Variants in SRA1 observed in about 807,000 individuals in gnomAD.
The protein encoded by SRA1 is steroid receptor RNA activator 1.
SRA1 carries 25 observed loss-of-function variants against 24.3 expected under a neutral mutation model. The observed-to-expected ratio is 1.03, with a 90% confidence interval of 0.75 to 1.43. The LOEUF (loss-of-function observed/expected upper bound fraction) is 1.43, where lower values mean the gene tolerates loss of function less well. Among genes scored for constraint, SRA1 ranks in the 40% most tolerant of loss-of-function variants. The pLI is 0.00. For missense variants in SRA1, 303 were observed against 286.6 expected, an observed-to-expected ratio of 1.06 and a Z score of -0.41; for synonymous variants, 104 against 109.5, an observed-to-expected ratio of 0.95 and a Z score of 0.31.
rs1047591727 is a variant in SRA1, at chr5:140,550,288, A to G, written c.*412T>C. On this transcript the variant is annotated 3_prime_UTR_variant, in exon 5 of 5. Coordinates refer to ENST00000336283, the MANE Select transcript of SRA1 (RefSeq NM_001035235.4). ...GAGTCTGTTCTCATGCTGAAATGAA[A>G]CCATCCAAACACAGCTGCTCCGCCC... The G allele has an allele frequency of 4.3e-6, 1 of 230,216 alleles. No homozygotes were observed. The highest frequency in any genetic ancestry group is 2.3e-5 in the African/African-American group (1 of 44,046). The allele number at this position is 230,216 out of a possible 1,614,324, so 14.3% of individuals were successfully genotyped here. A position where few individuals can be genotyped will look rare whatever the true frequency, so the allele number is the denominator to read the frequency against.
rs1156655766 is a variant in SRA1, at chr5:140,552,210, A to C, written c.152-26T>G. 3 of 1,515,578 alleles carry C rather than the reference A, an allele frequency of 2.0e-6. No homozygotes were observed. In the South Asian group the frequency reaches 3.7e-5, roughly 19 times the overall value. The allele number at this position is 1,515,578 out of a possible 1,614,324, so 93.9% of individuals were successfully genotyped here. A position where few individuals can be genotyped will look rare whatever the true frequency, so the allele number is the denominator to read the frequency against. On this transcript the variant is annotated intron_variant, in intron 2 of 4. Coordinates refer to ENST00000336283, the MANE Select transcript of SRA1 (RefSeq NM_001035235.4). Reference sequence around the variant, plus strand: ...CTGAAAAGGTACAGCAGGATCAAGCAACATGGCTTAAATGGGTAAGAAGCT... The same window carrying C: ...CTGAAAAGGTACAGCAGGATCAAGCCACATGGCTTAAATGGGTAAGAAGCT...
chr5:140,557,064 A>C, intron 2 of SRA1, 83 bp downstream of exon 2: 18 of 1,331,284 alleles, frequency 1.4e-5, no homozygotes, highest in East Asian at 4.8e-5. Flanking sequence ...CGGGGAGAGA[A>C]AAAAGCCTTC....
At chr5:140,557,484 G>C (rs890835036), upstream of SRA1, 6 of 1,547,300 alleles carry the variant, frequency 3.9e-6, no homozygotes, top group African/African-American at 6.8e-5. Context: ...GGGGCAGCGC[G>C]TCATTTCCGG....
intron 2 of SRA1, among the ~76,000 whole-genome samples, 199 bp downstream of exon 2, chr5:140,556,948 A>T (rs1210077478): frequency 6.6e-6 from 1 of 152,184 alleles, no homozygotes; most frequent in Non-Finnish European, 1.5e-5. Flanking sequence ...AGTCTTTTTA[A>T]ATCAATACAC....
chr5:140,550,517 T>C lies in SRA1; in HGVS notation c.*183A>G. On this transcript the variant is annotated 3_prime_UTR_variant, in exon 5 of 5. Coordinates refer to ENST00000336283, the MANE Select transcript of SRA1 (RefSeq NM_001035235.4). The stretch of plus-strand genomic sequence containing the variant: ...TCCTACCCAAGGCCCACCGCAGAGA[T>C]GTTTTTATTGAAATGCATGTTATGA... 1 of 632,288 alleles carries C rather than the reference T, an allele frequency of 1.6e-6. No individual in the cohort carries two copies. The highest frequency in any genetic ancestry group is 1.9e-5 in the South Asian group (1 of 51,828). The allele number at this position is 632,288 out of a possible 1,614,324, so 39.2% of individuals were successfully genotyped here. A position where few individuals can be genotyped will look rare whatever the true frequency, so the allele number is the denominator to read the frequency against.
rs985296854 is a variant in SRA1, at chr5:140,551,305, A to G, written c.355-136T>C. On this transcript the variant is annotated intron_variant, in intron 3 of 4. Coordinates refer to ENST00000336283, the MANE Select transcript of SRA1 (RefSeq NM_001035235.4). ...AATTCTGGTTCTTTACCCAAAGATT[A>G]GAGGCCCCACTGAGAAACTGATGAA... 3.3e-5 allele frequency: 21 copies of G among 633,554 alleles called. No individual in the cohort carries two copies. In the African/African-American group the frequency reaches 3.5e-4, roughly 10 times the overall value. The allele number at this position is 633,554 out of a possible 1,614,324, so 39.2% of individuals were successfully genotyped here. A position where few individuals can be genotyped will look rare whatever the true frequency, so the allele number is the denominator to read the frequency against.
Position 140,550,774 on chromosome 5 carries a change from C to A in SRA1, c.601G>T (p.Ala201Ser). 1.9e-6 allele frequency: 3 copies of A among 1,614,118 alleles called. No individual in the cohort carries two copies. Among genetic ancestry groups the A allele is most frequent in the Non-Finnish European group, 2.5e-6 (3 of 1,180,030 alleles). The change falls in exon 5 of 5, where the codon GCA becomes TCA. Residue 201 changes from alanine to serine, a missense_variant. Ala to Ser is a moderately conservative substitution (Grantham distance 99). Coordinates refer to ENST00000336283, the MANE Select transcript of SRA1 (RefSeq NM_001035235.4). ...AEKRSLFSEE[A>S]ANEEKSAATA... ...GCTGCAGATTTCTCTTCATTGGCTG[C>A]CTCCTCTGAAAACAGACTCCTCTTT...
chr5:140,551,163 C>T lies in SRA1; in HGVS notation c.361G>A (p.Val121Ile), dbSNP rs1045249354. ...EDCRGHTRKQVCDDISRRLAL... is the reference protein window; with the variant it reads ...EDCRGHTRKQICDDISRRLAL... ...AGGCGTCGGCTGATGTCATCACATA[C>T]CTGCTTCTAAGAGACAGAAGCCCCC... Residue 121 changes from valine to isoleucine, a missense_variant, in exon 4 of 5, where the codon GTA (valine) becomes ATA (isoleucine). By Grantham distance (29) the Val-to-Ile change is conservative. Transcript: ENST00000336283. The T allele has an allele frequency of 1.4e-5, 23 of 1,613,944 alleles. No individual in the cohort carries two copies. The highest frequency in any genetic ancestry group is 8.0e-5 in the African/African-American group (6 of 74,936).
In SRA1 at chr5:140,552,300, T is replaced by C. The variant is rs1581397353; in HGVS notation, c.152-116A>G. ...GAGACAACTTATTCATTCAAAAATATGCATTTATGAAGTCCCCACTCTACG... is the reference window on the plus strand; with the variant it reads ...GAGACAACTTATTCATTCAAAAATACGCATTTATGAAGTCCCCACTCTACG... On this transcript the variant is annotated intron_variant, in intron 2 of 4. Transcript: ENST00000336283. 5.0e-6 allele frequency: 4 copies of C among 801,472 alleles called. No individual in the cohort carries two copies. The East Asian group carries it at 8.2e-5, about 17-fold the overall frequency. The allele number at this position is 801,472 out of a possible 1,614,324, so 49.6% of individuals were successfully genotyped here.
intron 1 of SRA1, 52 bp downstream of exon 1, chr5:140,557,376 C>T (rs778605568): frequency 1.2e-6 from 2 of 1,602,586 alleles, no homozygotes; most frequent in Non-Finnish European, 1.7e-6. Context: ...CAACCGCCCC[C>T]AGCCTAGGCC....
chr5:140,551,279 G>T, intron 3 of SRA1, 110 bp from the exon 4 acceptor site: 2 of 767,948 alleles, frequency 2.6e-6, no homozygotes, highest in South Asian at 1.7e-5. Context: ...CCACACTTTA[G>T]AATTCTGGTT....
chr5:140,557,349 G>A (rs773704669), intron 1 of SRA1, 77 bp from the exon 2 acceptor site: 40 of 1,604,034 alleles, frequency 2.5e-5, no homozygotes, highest in Non-Finnish European at 3.2e-5. Context: ...GAGACAGAGG[G>A]TCCATACTAA....
chr5:140,553,749 T>C (rs957046676), intron 2 of SRA1, among the ~76,000 whole-genome samples: 1 of 151,970 alleles, frequency 6.6e-6, no homozygotes, highest in Non-Finnish European at 1.5e-5. Flanking sequence ...AGTTGAGAGG[T>C]TGAGTAGTTC....
chr5:140,554,565 C>CAAG (rs1754642131), intron 2 of SRA1, among the ~76,000 whole-genome samples: 9 of 150,184 alleles, frequency 6.0e-5, no homozygotes, highest in African/African-American at 1.9e-4. Flanking sequence ...CCTAGCCTCT[C>CAAG]TTGTCTTCTC....
At chr5:140,551,394 T>C (rs988129441) in intron 3 of SRA1, 2 of 488,916 alleles carry the variant, frequency 4.1e-6, no homozygotes, top group African/African-American at 3.8e-5. Context: ...GTAGAGGTCA[T>C]TAAACAGGAA....
At chr5:140,557,868 G>A (rs1438310623), upstream of SRA1, 2 of 244,116 alleles carry the variant, frequency 8.2e-6, no homozygotes, top group Non-Finnish European at 1.6e-5. Flanking sequence ...TCTTCCTTCA[G>A]TTCTCAGTTC....
intron 2 of SRA1, among the ~76,000 whole-genome samples, chr5:140,556,850 G>A (rs1383918134): frequency 3.3e-5 from 5 of 151,916 alleles, no homozygotes; most frequent in Non-Finnish European, 7.4e-5. Context: ...TCTGGCAAGA[G>A]GTATAGGTTA....
In SRA1 at chr5:140,557,232, T is replaced by A. The variant is rs979948007; in HGVS notation, c.66A>T (p.Ser22=). 1 of 1,613,148 alleles carries A rather than the reference T, an allele frequency of 6.2e-7. No homozygotes were observed. The highest frequency in any genetic ancestry group is 8.5e-7 in the Non-Finnish European group (1 of 1,179,980). ...ERGWNDPPQF[S]YGLQTQAGGP... is the part of the protein sequence containing the mutation. ...CGCCGGCCTGGGTCTGCAGCCCGTA[T>A]GAGAACTGCGGCGGGTCGTTCCAGC... Residue 22 remains serine (S), a synonymous_variant, in exon 2 of 5, where the codon TCA becomes TCT. Coordinates refer to ENST00000336283, the MANE Select transcript of SRA1 (RefSeq NM_001035235.4).
At position 140,552,680 on chromosome 5, in the gene SRA1, T is replaced by C. The variant is rs1244582355; in HGVS notation, c.152-496A>G. On this transcript the variant is annotated intron_variant, in intron 2 of 4. Transcript: ENST00000336283. Reference sequence around the variant, plus strand: ...AAAAAAAAAAAAAAGAAAAGAAAAGTAAACCAGGCCTGGGCACAGTGGCTT... The same window carrying C: ...AAAAAAAAAAAAAAGAAAAGAAAAGCAAACCAGGCCTGGGCACAGTGGCTT... Among the ~76,000 whole-genome samples the C allele has an allele frequency of 2.0e-5, 3 of 147,970 alleles. No individual in the cohort carries two copies. The South Asian group carries it at 6.3e-4, about 31-fold the overall frequency.
Sources: gnomAD v4.1 joint callset for allele counts (sites outside exome capture counted in the v4.1 genomes callset) on GRCh38, gnomAD v4.1.1 for gene constraint, MANE v1.5 for transcripts, NCBI Gene and HGNC (gene_info 2026-07-23, HGNC 2026-07-21) for gene names.